Variants in HCN1 observed in about 807,000 individuals in gnomAD.
The protein encoded by HCN1 is hyperpolarization activated cyclic nucleotide gated potassium channel 1, also known as potassium/sodium hyperpolarization-activated cyclic nucleotide-gated channel 1.
HCN1 carries 13 observed loss-of-function variants against 78.9 expected under a neutral mutation model. The observed-to-expected ratio is 0.16, with a 90% CI of 0.11 to 0.26. The LOEUF (loss-of-function observed/expected upper bound fraction) is 0.26. Ranked by LOEUF, HCN1 falls within the 10% of genes least tolerant of loss-of-function variation. The pLI is 1.00. For missense variants in HCN1, 810 were observed against 1,154.3 expected, an observed-to-expected ratio of 0.70 and a Z score of 4.32; for synonymous variants, 552 against 455.5, an observed-to-expected ratio of 1.21 and a Z score of -2.70.
chr5:45,523,102 T>A (rs2111783991), intron 2 of HCN1, among the ~76,000 whole-genome samples: 1 of 149,708 alleles, frequency 6.7e-6, no homozygotes, highest in African/African-American at 2.4e-5. Flanking sequence ...AGTGAGAACA[T>A]GTGGTGTTTG....
chr5:45,318,680 G>C (rs989251625), intron 5 of HCN1, among the ~76,000 whole-genome samples: 1 of 151,944 alleles, frequency 6.6e-6, no homozygotes, highest in African/African-American at 2.4e-5. Context: ...GATTATTCAT[G>C]TTCATTATTT....
chr5:45,681,664 T>C (rs964290619), intron 1 of HCN1, among the ~76,000 whole-genome samples: 1 of 152,128 alleles, frequency 6.6e-6, no homozygotes, highest in Non-Finnish European at 1.5e-5. Flanking sequence ...ATGTTACCTT[T>C]CCATCCCTGT....
intron 1 of HCN1, among the ~76,000 whole-genome samples, chr5:45,673,260 A>G (rs1369662255): frequency 6.6e-6 from 1 of 151,580 alleles, no homozygotes; most frequent in Non-Finnish European, 1.5e-5. Context: ...ACATCATGTC[A>G]AGTGTATATA....
At chr5:45,589,869 C>T (rs1372293091) in intron 2 of HCN1, among the ~76,000 whole-genome samples, 1 of 152,136 alleles carries the variant, frequency 6.6e-6, no homozygotes, top group Non-Finnish European at 1.5e-5. Context: ...GGTGACATCT[C>T]CCTGATCTAT....
At chr5:45,324,232 G>C (rs1220033558) in intron 5 of HCN1, among the ~76,000 whole-genome samples, 3 of 151,756 alleles carry the variant, frequency 2.0e-5, no homozygotes, top group African/African-American at 7.3e-5. Context: ...TACAGAATGG[G>C]AGAAAATTTT....
chr5:45,333,892 CTT>C (rs745790306), intron 5 of HCN1, among the ~76,000 whole-genome samples: 1 of 151,738 alleles, frequency 6.6e-6, no homozygotes, highest in Non-Finnish European at 1.5e-5. Flanking sequence ...TATTGCCTGA[CTT>C]TTAGATAAAA....
chr5:45,468,838 T>G (rs1275305213), intron 2 of HCN1, among the ~76,000 whole-genome samples: 1 of 152,094 alleles, frequency 6.6e-6, no homozygotes, highest in Non-Finnish European at 1.5e-5. Flanking sequence ...GCACAATGCC[T>G]GGTGGCACAG....
At chr5:45,598,772 T>G (rs965045226) in intron 2 of HCN1, among the ~76,000 whole-genome samples, 2 of 152,194 alleles carry the variant, frequency 1.3e-5, no homozygotes, top group African/African-American at 4.8e-5. Context: ...CAGACACTTC[T>G]CAAAAGAAGA....
chr5:45,569,545 T>G (rs1166078402), intron 2 of HCN1, among the ~76,000 whole-genome samples: 1 of 152,028 alleles, frequency 6.6e-6, no homozygotes, highest in Non-Finnish European at 1.5e-5. Context: ...AGAGTTCTAT[T>G]TAATTAATTA....
rs566930240 is a variant in HCN1, at chr5:45,353,270, TA to T, written c.1231-25del. The T allele has an allele frequency of 2.6e-4, 397 of 1,538,084 alleles. 1 individual carries two copies. Among genetic ancestry groups the T allele is most frequent in the Middle Eastern group, 7.7e-4 (4 of 5,200 alleles). On this transcript the variant is annotated intron_variant, in intron 4 of 7. Coordinates refer to ENST00000303230, the MANE Select transcript of HCN1 (RefSeq NM_021072.4). ...TACTGTAAGGAAGGGAAAATAAAAT[TA>T]AAAAAAAACATTGTTAGGGTGTATC...
chr5:45,322,471 T>G (rs1746144287), intron 5 of HCN1, among the ~76,000 whole-genome samples: 1 of 151,844 alleles, frequency 6.6e-6, no homozygotes, highest in Non-Finnish European at 1.5e-5. Flanking sequence ...GTGAAATGCT[T>G]GAGACCAGAA....
chr5:45,677,676 T>A (rs1263316205), intron 1 of HCN1, among the ~76,000 whole-genome samples: 1 of 151,752 alleles, frequency 6.6e-6, no homozygotes, highest in Non-Finnish European at 1.5e-5. Flanking sequence ...TAATACAGGA[T>A]TAAAGAGTAA....
chr5:45,377,088 G>T (rs1397246361), intron 4 of HCN1, among the ~76,000 whole-genome samples: 1 of 151,946 alleles, frequency 6.6e-6, no homozygotes, highest in African/African-American at 2.4e-5. Flanking sequence ...AGAGAAAATG[G>T]TGGAAGTTAT....
intron 2 of HCN1, among the ~76,000 whole-genome samples, chr5:45,524,299 C>T (rs1742681891): frequency 1.3e-5 from 2 of 152,098 alleles, no homozygotes; most frequent in East Asian, 1.9e-4. Flanking sequence ...TAGCGTGATG[C>T]CTCCCGCTTT....
At chr5:45,336,552 C>A (rs1338673125) in intron 5 of HCN1, among the ~76,000 whole-genome samples, 2 of 151,966 alleles carry the variant, frequency 1.3e-5, no homozygotes, top group East Asian at 3.9e-4. Flanking sequence ...TGAAGTGTCT[C>A]AATATTTAGG....
chr5:45,343,706 A>G (rs1746634027), intron 5 of HCN1, among the ~76,000 whole-genome samples: 1 of 152,174 alleles, frequency 6.6e-6, no homozygotes, highest in South Asian at 2.1e-4. Flanking sequence ...TTAGCTTTAG[A>G]GGAAATGAAC....
intron 1 of HCN1, among the ~76,000 whole-genome samples, chr5:45,650,782 C>CT (rs1384596920): frequency 6.6e-6 from 1 of 151,626 alleles, no homozygotes; most frequent in Non-Finnish European, 1.5e-5. Flanking sequence ...TTCAGTCATA[C>CT]TTTTTTTTCT....
intron 1 of HCN1, among the ~76,000 whole-genome samples, chr5:45,645,832 T>C (rs543498642): frequency 1.7e-4 from 26 of 152,074 alleles, no homozygotes; most frequent in Non-Finnish European, 2.9e-4. Flanking sequence ...CTAAAAATTA[T>C]GTGATATGAA....
intron 4 of HCN1, among the ~76,000 whole-genome samples, chr5:45,359,412 A>ATAT (rs1343363425): frequency 6.1e-5 from 9 of 146,716 alleles, no homozygotes; most frequent in African/African-American, 2.3e-4. Context: ...ATCAAAAAAA[A>ATAT]AAAAATATAT....
Sources: allele counts gnomAD v4.1 joint callset (sites outside exome capture counted in the v4.1 genomes callset), GRCh38; gene constraint gnomAD v4.1.1; transcripts MANE v1.5; gene names NCBI Gene and HGNC (gene_info 2026-07-23, HGNC 2026-07-21).